EXOC6B: variants seen among roughly 807,000 people sequenced by gnomAD.
EXOC6B encodes the protein exocyst complex component 6B.
EXOC6B carries 54 observed loss-of-function variants against 113.5 expected under a neutral mutation model. The ratio of observed to expected loss-of-function variants is 0.48; its 90% CI spans 0.38 to 0.60. The LOEUF (loss-of-function observed/expected upper bound fraction) is 0.60. EXOC6B is among the 20% of genes least tolerant of loss of function. The probability of loss-of-function intolerance (pLI) is 0.00; values close to 1 mark genes in which losing one functional copy is unlikely to be tolerated. For missense variants in EXOC6B, 797 were observed against 977.5 expected, an observed-to-expected ratio of 0.82 and a Z score of 2.46; for synonymous variants, 357 against 339.0, an observed-to-expected ratio of 1.05 and a Z score of -0.58.
intron 8 of EXOC6B, among the ~76,000 whole-genome samples, chr2:72,530,372 T>A (rs1170955961): frequency 6.6e-6 from 1 of 152,218 alleles, no homozygotes; most frequent in Non-Finnish European, 1.5e-5. Flanking sequence ...CCAGGCATTA[T>A]ATGTAAGTGT....
chr2:72,601,663 T>C (rs187774444), intron 6 of EXOC6B, among the ~76,000 whole-genome samples: 1 of 152,284 alleles, frequency 6.6e-6, no homozygotes, highest in East Asian at 1.9e-4. Flanking sequence ...ACCAATCATG[T>C]TCCTAGTTAT....
At chr2:72,388,779 T>C (rs1692204821) in intron 18 of EXOC6B, among the ~76,000 whole-genome samples, 1 of 152,294 alleles carries the variant, frequency 6.6e-6, no homozygotes, top group Middle Eastern at 3.4e-3. Flanking sequence ...TCTTGATTAA[T>C]TGACCCTTAT....
intron 18 of EXOC6B, among the ~76,000 whole-genome samples, chr2:72,400,570 T>G (rs1027300528): frequency 2.8e-5 from 4 of 145,226 alleles, no homozygotes; most frequent in Non-Finnish European, 6.1e-5. Context: ...CCAGAAGCTA[T>G]AAGAAAGTCA....
At chr2:72,770,589 A>G (rs1045528318) in intron 1 of EXOC6B, among the ~76,000 whole-genome samples, 4 of 152,246 alleles carry the variant, frequency 2.6e-5, no homozygotes, top group South Asian at 2.1e-4. Context: ...TTTTCTTGCC[A>G]AATGAATTAA....
At chr2:72,771,730 T>C (rs1683413031) in intron 1 of EXOC6B, among the ~76,000 whole-genome samples, 1 of 152,038 alleles carries the variant, frequency 6.6e-6, no homozygotes, top group African/African-American at 2.4e-5. Context: ...ATCTCAACAT[T>C]TTGTGAGGCC....
chr2:72,201,140 C>T (rs1679466396), intron 20 of EXOC6B, among the ~76,000 whole-genome samples: 1 of 151,890 alleles, frequency 6.6e-6, no homozygotes, highest in African/African-American at 2.4e-5. Flanking sequence ...TGACATTATA[C>T]ATAATATTCT....
intron 6 of EXOC6B, among the ~76,000 whole-genome samples, chr2:72,583,130 C>T (rs1705334123): frequency 6.6e-6 from 1 of 152,044 alleles, no homozygotes; most frequent in Admixed American, 6.6e-5. Flanking sequence ...CAGTCTTTAA[C>T]CTAACCCAGC....
intron 20 of EXOC6B, among the ~76,000 whole-genome samples, chr2:72,287,428 CT>C (rs1685503053): frequency 9.1e-6 from 1 of 109,746 alleles, no homozygotes; most frequent in Admixed American, 8.9e-5. Flanking sequence ...GAGACTTCAT[CT>C]CAAAAAAAAA....
In EXOC6B at chr2:72,268,095, G is replaced by C. The variant is rs150281015; in HGVS notation, c.2196+66852C>G. ...ATGGAAGACTATACAACACATAAAA[G>C]GTTTTGGGTTTTTTTGTTTTGTTTT... On this transcript the variant is annotated intron_variant, in intron 20 of 21. Coordinates refer to ENST00000272427, the MANE Select transcript of EXOC6B (RefSeq NM_015189.3). 1.2e-3 allele frequency among the ~76,000 whole-genome samples: 186 copies of C among 152,134 alleles called. 2 individuals carry two copies. The highest frequency in any genetic ancestry group is 0.011 in the East Asian group (59 of 5,178).
chr2:72,524,652 AAGGATGGATACCCC>A (rs1701670084), intron 8 of EXOC6B, among the ~76,000 whole-genome samples: 1 of 152,198 alleles, frequency 6.6e-6, no homozygotes, highest in Admixed American at 6.5e-5. Context: ...AAATGCTTGA[AAGGATGGATACCCC>A]ATTCTTCATA....
intron 6 of EXOC6B, among the ~76,000 whole-genome samples, chr2:72,686,408 G>A (rs116437700): frequency 1.3e-5 from 2 of 152,314 alleles, no homozygotes; most frequent in Non-Finnish European, 2.9e-5. Context: ...GAGAAAGAGA[G>A]AGATACTCTC....
intron 20 of EXOC6B, among the ~76,000 whole-genome samples, chr2:72,292,535 TTGTGTGTGTGTG>T (rs142332997): frequency 7.5e-6 from 1 of 134,056 alleles, no homozygotes; most frequent in Non-Finnish European, 1.6e-5. Flanking sequence ...CATGCACGCT[TTGTGTGTGTGTG>T]TGTGTGTGTG....
At chr2:72,406,134 A>G (rs534080450) in intron 18 of EXOC6B, among the ~76,000 whole-genome samples, 3 of 152,350 alleles carry the variant, frequency 2.0e-5, no homozygotes, top group South Asian at 2.1e-4. Context: ...AAAGGGATCA[A>G]TTCAACAAGA....
intron 20 of EXOC6B, among the ~76,000 whole-genome samples, chr2:72,251,616 T>C (rs1364039453): frequency 6.6e-6 from 1 of 152,198 alleles, no homozygotes; most frequent in Non-Finnish European, 1.5e-5. Flanking sequence ...CAAGACATAA[T>C]TTCAATAGCT....
chr2:72,516,402 C>T (rs1170090386), intron 8 of EXOC6B, among the ~76,000 whole-genome samples: 1 of 152,122 alleles, frequency 6.6e-6, no homozygotes. Context: ...TGTGCGCCAC[C>T]ATGCCCAGCT....
intron 18 of EXOC6B, among the ~76,000 whole-genome samples, chr2:72,428,999 A>T (rs1178123983): frequency 6.6e-6 from 1 of 152,224 alleles, no homozygotes; most frequent in Non-Finnish European, 1.5e-5. Context: ...TTAATTTGTG[A>T]TAATATTTAA....
At chr2:72,212,419 A>G (rs561885640) in intron 20 of EXOC6B, among the ~76,000 whole-genome samples, 2 of 152,344 alleles carry the variant, frequency 1.3e-5, no homozygotes, top group Non-Finnish European at 2.9e-5. Context: ...AGAAAATAAT[A>G]GCCCTATAAA....
At chr2:72,333,218 C>T (rs1688505473) in intron 20 of EXOC6B, among the ~76,000 whole-genome samples, 1 of 152,136 alleles carries the variant, frequency 6.6e-6, no homozygotes, top group Non-Finnish European at 1.5e-5. Context: ...TGACAGTGCT[C>T]ACTGAGAGCT....
chr2:72,462,930 G>C lies in EXOC6B; in HGVS notation c.1980+2230C>G, dbSNP rs1697793944. 1.3e-5 allele frequency: 2 copies of C among 151,940 alleles called. 1 individual carries two copies. The highest frequency in any genetic ancestry group is 4.2e-4 in the South Asian group (2 of 4,816). 9.4% of individuals were successfully genotyped at this position (151,940 alleles called of 1,614,324 possible). ...TATGGTGGCCACTAAATTTCAAATA[G>C]ATGTTCTTTATTTTGTTATTAAAAT... On this transcript the variant is annotated intron_variant, in intron 18 of 21. Transcript: ENST00000272427.
Sources: gnomAD v4.1 joint callset for allele counts (sites outside exome capture counted in the v4.1 genomes callset) on GRCh38, gnomAD v4.1.1 for gene constraint, MANE v1.5 for transcripts, NCBI Gene and HGNC (gene_info 2026-07-23, HGNC 2026-07-21) for gene names.